The following ICA1L variants were observed in gnomAD, a reference collection of about 807,000 sequenced individuals.
ICA1L encodes islet cell autoantigen 1-like protein.
ICA1L carries 50 observed loss-of-function variants against 61.3 expected under a neutral mutation model. That is an observed-to-expected ratio of 0.82 (90% CI 0.65 to 1.03). ICA1L has a LOEUF of 1.03. Ranked by LOEUF, ICA1L falls within the 50% of genes least tolerant of loss-of-function variation. ICA1L has a pLI of 0.00. For missense variants in ICA1L, 508 were observed against 556.7 expected, an observed-to-expected ratio of 0.91 and a Z score of 0.88; for synonymous variants, 161 against 191.3, an observed-to-expected ratio of 0.84 and a Z score of 1.31.
chr2:202,843,216 G>A (rs1011555733), intron 1 of ICA1L, among the ~76,000 whole-genome samples: 17 of 152,094 alleles, frequency 1.1e-4, no homozygotes, highest in African/African-American at 3.6e-4. Flanking sequence ...TTACATTAAT[G>A]TCTGTGCTCT....
intron 12 of ICA1L, among the ~76,000 whole-genome samples, chr2:202,782,228 G>A (rs796925470): frequency 5.9e-5 from 9 of 151,782 alleles, no homozygotes; most frequent in South Asian, 2.1e-4. Context: ...GCCTGTAATC[G>A]CAGCTACTCG....
intron 11 of ICA1L, among the ~76,000 whole-genome samples, chr2:202,786,490 A>G (rs577166634): frequency 6.6e-6 from 1 of 152,108 alleles, no homozygotes; most frequent in Non-Finnish European, 1.5e-5. Context: ...CGGAGCTTGC[A>G]GTGAGCCGAG....
At chr2:202,868,342 G>T (rs1263661585) in intron 1 of ICA1L, among the ~76,000 whole-genome samples, 1 of 152,218 alleles carries the variant, frequency 6.6e-6, no homozygotes, top group Non-Finnish European at 1.5e-5. Flanking sequence ...TGGTGAGAAT[G>T]TGAGTAACTG....
intron 1 of ICA1L, among the ~76,000 whole-genome samples, chr2:202,837,722 G>A (rs906471665): frequency 6.6e-6 from 1 of 151,372 alleles, no homozygotes; most frequent in Admixed American, 6.6e-5. Flanking sequence ...GATAACATTA[G>A]GTTGTTTATT....
chr2:202,823,841 GTC>G (rs1322717448), intron 3 of ICA1L, among the ~76,000 whole-genome samples: 4 of 152,180 alleles, frequency 2.6e-5, no homozygotes, highest in African/African-American at 9.6e-5. Context: ...TACTTACATT[GTC>G]TCTCTTTTTG....
chr2:202,851,331 G>C (rs1425141921), intron 1 of ICA1L, among the ~76,000 whole-genome samples: 2 of 152,112 alleles, frequency 1.3e-5, no homozygotes, highest in African/African-American at 2.4e-5. Context: ...TCCCTATAAA[G>C]GACATGAACT....
rs948635820 is a variant in ICA1L, at chr2:202,775,440, A to G, written c.*4093T>C. ...TTTGTTAGTTTTTGTTACTGAAAGTATTTACATAAATAACGTACATTATAT... is the reference window on the plus strand; with the variant it reads ...TTTGTTAGTTTTTGTTACTGAAAGTGTTTACATAAATAACGTACATTATAT... On this transcript the variant is annotated 3_prime_UTR_variant, in exon 13 of 13. Transcript: ENST00000358299. 2 of 152,228 alleles carry G rather than the reference A, an allele frequency of 1.3e-5. No individual in the cohort carries two copies. The highest frequency in any genetic ancestry group is 4.8e-5 in the African/African-American group (2 of 41,466). 9.4% of individuals were successfully genotyped at this position (152,228 alleles called of 1,614,324 possible).
intron 1 of ICA1L, chr2:202,841,132 G>A: frequency 1.6e-6 from 1 of 639,998 alleles, no homozygotes; most frequent in Non-Finnish European, 2.9e-6. Flanking sequence ...TCTTCAGTCA[G>A]CCCTTCCAGG....
chr2:202,856,432 C>G (rs780145397), intron 1 of ICA1L, among the ~76,000 whole-genome samples: 1 of 152,100 alleles, frequency 6.6e-6, no homozygotes, highest in Admixed American at 6.6e-5. Context: ...ATTCAACACC[C>G]CTTCACGCTA....
chr2:202,786,318 G>C (rs1447660752), intron 11 of ICA1L, among the ~76,000 whole-genome samples: 3 of 151,390 alleles, frequency 2.0e-5, no homozygotes, highest in African/African-American at 7.3e-5. Flanking sequence ...AGGCCGAGGC[G>C]GGTGGATCAT....
intron 1 of ICA1L, among the ~76,000 whole-genome samples, chr2:202,839,523 G>C (rs530654013): frequency 4.3e-4 from 60 of 140,396 alleles, no homozygotes; most frequent in African/African-American, 1.3e-3. Context: ...AAAAAAAGGT[G>C]AAGTGAGTCT....
chr2:202,843,516 G>C (rs981804839), intron 1 of ICA1L, among the ~76,000 whole-genome samples: 5 of 152,200 alleles, frequency 3.3e-5, no homozygotes, highest in African/African-American at 1.2e-4. Context: ...TGGCTGAAGG[G>C]ATCCCTCTTG....
At chr2:202,812,839 G>A (rs1693418412) in intron 8 of ICA1L, among the ~76,000 whole-genome samples, 1 of 152,032 alleles carries the variant, frequency 6.6e-6, no homozygotes, top group East Asian at 1.9e-4. Flanking sequence ...CCATCTATTA[G>A]TTAACTTGAA....
intron 1 of ICA1L, among the ~76,000 whole-genome samples, chr2:202,848,488 A>T (rs1694526967): frequency 6.6e-6 from 1 of 152,196 alleles, no homozygotes; most frequent in South Asian, 2.1e-4. Flanking sequence ...GCTGACTGGC[A>T]AACTATGGCC....
At chr2:202,803,984 T>G (rs533330923) in intron 9 of ICA1L, among the ~76,000 whole-genome samples, 9 of 152,158 alleles carry the variant, frequency 5.9e-5, no homozygotes, top group Non-Finnish European at 8.8e-5. Context: ...AAATCATAAG[T>G]GTTAAAAATA....
chr2:202,862,531 A>G (rs1439036592), intron 1 of ICA1L, among the ~76,000 whole-genome samples: 1 of 152,158 alleles, frequency 6.6e-6, no homozygotes, highest in Non-Finnish European at 1.5e-5. Context: ...AAATATTTGG[A>G]AATAACATAT....
At position 202,777,839 on chromosome 2, in the gene ICA1L, C is replaced by G. The variant is rs1166915647; in HGVS notation, c.*1694G>C. The G allele has an allele frequency of 2.0e-5, 3 of 151,072 alleles. No individual in the cohort carries two copies. Among genetic ancestry groups the G allele is most frequent in the African/African-American group, 7.3e-5 (3 of 41,026 alleles). 9.4% of individuals were successfully genotyped at this position (151,072 alleles called of 1,614,324 possible). ...AGCCTGTTTAGAATAGAACTAAGAG[C>G]ACATGGAAGCTACTGTGAATAACTT... On this transcript the variant is annotated 3_prime_UTR_variant, in exon 13 of 13. Transcript: ENST00000358299.
chr2:202,870,281 T>C (rs952862965), intron 1 of ICA1L, among the ~76,000 whole-genome samples: 1 of 152,202 alleles, frequency 6.6e-6, no homozygotes, highest in South Asian at 2.1e-4. Context: ...TATGGCATCC[T>C]ACTTTTTCCA....
chr2:202,806,803 TGA>T lies in ICA1L; in HGVS notation c.910+4941_910+4942del, dbSNP rs1693240891. ...TAACTCCTATTTCAGATGAGACAAC[TGA>T]GAGAGCCATAAATGATGTTTTAAAA... On this transcript the variant is annotated intron_variant, in intron 9 of 12. Coordinates refer to ENST00000358299, the MANE Select transcript of ICA1L (RefSeq NM_001288622.3). Among the ~76,000 whole-genome samples, 3 of 152,300 alleles carry T rather than the reference TGA, an allele frequency of 2.0e-5. No individual in the cohort carries two copies. In the South Asian group the frequency reaches 6.2e-4, roughly 32 times the overall value.
Sources: gnomAD v4.1 joint callset for allele counts (sites outside exome capture counted in the v4.1 genomes callset) on GRCh38, gnomAD v4.1.1 for gene constraint, MANE v1.5 for transcripts, NCBI Gene and HGNC (gene_info 2026-07-23, HGNC 2026-07-21) for gene names.